Variants in CCNB1IP1 observed in about 807,000 individuals in gnomAD.
CCNB1IP1 encodes the protein E3 ubiquitin-protein ligase CCNB1IP1.
CCNB1IP1 carries 14 observed loss-of-function variants against 25.6 expected under a neutral mutation model. The observed-to-expected ratio is 0.55, with a 90% CI of 0.36 to 0.85. The LOEUF is 0.85. Among genes scored for constraint, CCNB1IP1 ranks in the 40% least tolerant of loss-of-function variants. The pLI is 0.01. For missense variants in CCNB1IP1, 278 were observed against 342.4 expected (o/e 0.81, Z 1.48); for synonymous variants, 119 against 116.1 (o/e 1.02, Z -0.16).
At chr14:20,315,228 G>A (rs1035342018) in intron 5 of CCNB1IP1, among the ~76,000 whole-genome samples, 1 of 131,618 alleles carries the variant, frequency 7.6e-6, no homozygotes, top group African/African-American at 2.9e-5. Flanking sequence ...AAATTAAAAT[G>A]AGACACCACT....
rs7142776 is a variant in CCNB1IP1, at chr14:20,315,332, G to A, written c.297+895C>T. 4.1e-3 allele frequency among the ~76,000 whole-genome samples: 621 copies of A among 152,142 alleles called. 2 individuals carry two copies. Among genetic ancestry groups the A allele is most frequent in the African/African-American group, 0.014 (588 of 41,528 alleles). On this transcript the variant is annotated intron_variant, in intron 5 of 6. Coordinates refer to ENST00000358932, the MANE Select transcript of CCNB1IP1 (RefSeq NM_021178.5). ...ACAGGAATTCTCATTCATTGCTGCTGGCAATATAAAATGGTATAGCCACTT... is the reference window on the plus strand; with the variant it reads ...ACAGGAATTCTCATTCATTGCTGCTAGCAATATAAAATGGTATAGCCACTT...
intron 4 of CCNB1IP1, among the ~76,000 whole-genome samples, chr14:20,319,753 T>G (rs1012263499): frequency 6.6e-6 from 1 of 152,222 alleles, no homozygotes; most frequent in Non-Finnish European, 1.5e-5. Context: ...AAAATTCCTC[T>G]AGAATATAAC....
chr14:20,332,021 T>TATATATATATATGATGTGTATAC (rs1566408023), intron 1 of CCNB1IP1, among the ~76,000 whole-genome samples: 14 of 57,988 alleles, frequency 2.4e-4, no homozygotes, highest in South Asian at 8.0e-4. Flanking sequence ...TATATATATA[T>TATATATATATATGATGTGTATAC]ATATATTTTT....
At chr14:20,326,387 G>A (rs1282334172) in intron 3 of CCNB1IP1, 4 of 486,932 alleles carry the variant, frequency 8.2e-6, no homozygotes, top group Non-Finnish European at 1.7e-5. Context: ...TGGGATTACA[G>A]ACTAAATCCC....
At position 20,316,254 on chromosome 14, in the gene CCNB1IP1, G is replaced by C; in HGVS notation, c.270C>G (p.Ser90=). The change falls in exon 5 of 7, where the codon TCC becomes TCG. Residue 90 remains serine, a synonymous_variant. Transcript: ENST00000358932. ...GATATGTCCAGAAGGCCAGCGCTCG[G>C]GAGCTAATGTCCAACACGATCTCTG... is the stretch of plus-strand genomic sequence containing the variant. ...LRPEIVLDIS[S]RALAFWTYQV... The C allele has an allele frequency of 6.2e-7, 1 of 1,613,852 alleles. No homozygotes were observed. The highest frequency in any genetic ancestry group is 1.3e-5 in the African/African-American group (1 of 75,034).
intron 6 of CCNB1IP1, among the ~76,000 whole-genome samples, chr14:20,312,910 C>G (rs1419493295): frequency 6.6e-6 from 1 of 151,946 alleles, no homozygotes; most frequent in African/African-American, 2.4e-5. Flanking sequence ...AACAAAACAA[C>G]CAAACTGACA....
intron 1 of CCNB1IP1, among the ~76,000 whole-genome samples, chr14:20,331,039 A>G (rs1286892099): frequency 1.3e-5 from 2 of 152,186 alleles, no homozygotes; most frequent in Non-Finnish European, 2.9e-5. Flanking sequence ...ACTTCCACCT[A>G]AAAAACCGGA....
At chr14:20,315,807 G>A in intron 5 of CCNB1IP1, 2 of 1,253,804 alleles carry the variant, frequency 1.6e-6, no homozygotes, top group Non-Finnish European at 2.1e-6. Context: ...TACTCAGGAG[G>A]CTGAGGCGGG....
intron 1 of CCNB1IP1, among the ~76,000 whole-genome samples, chr14:20,332,005 C>CATATATATATATAT (rs1555314509): frequency 4.5e-5 from 3 of 66,564 alleles, no homozygotes; most frequent in African/African-American, 2.5e-4. Flanking sequence ...GATGTGTATA[C>CATATATATATATAT]ATATATATAT....
chr14:20,320,895 T>TG (rs200240811), intron 4 of CCNB1IP1, among the ~76,000 whole-genome samples: 6,884 of 151,348 alleles, frequency 0.045, 225 homozygotes, highest in Middle Eastern at 0.1. Context: ...CCCAGCACTT[T>TG]GGGGGGTCAA....
intron 3 of CCNB1IP1, 199 bp downstream of exon 3, chr14:20,326,517 A>G: frequency 1.9e-6 from 1 of 534,776 alleles, no homozygotes. Context: ...GCATTTCATC[A>G]TGGCAAACTG....
chr14:20,315,452 A>C (rs1882660112), intron 5 of CCNB1IP1: 1 of 1,075,170 alleles, frequency 9.3e-7, no homozygotes, highest in Admixed American at 5.1e-5. Context: ...AAGGAGTTGA[A>C]AAATAGAGGA....
intron 4 of CCNB1IP1, among the ~76,000 whole-genome samples, chr14:20,323,894 G>A (rs1334184593): frequency 2.1e-5 from 3 of 145,240 alleles, no homozygotes; most frequent in African/African-American, 7.7e-5. Context: ...CTCCAGCCTG[G>A]GCGACAGAGC....
At chr14:20,327,075 C>T (rs757751593) in intron 2 of CCNB1IP1, among the ~76,000 whole-genome samples, 5 of 151,596 alleles carry the variant, frequency 3.3e-5, no homozygotes, top group African/African-American at 4.9e-5. Flanking sequence ...GACCCCGTCT[C>T]GAACAAAACA....
chr14:20,318,151 T>C (rs1409199257), intron 4 of CCNB1IP1: 1 of 152,272 alleles, frequency 6.6e-6, no homozygotes. Flanking sequence ...TGAGTCTGCA[T>C]TACAAACATG....
At chr14:20,315,432 T>C (rs772246449) in intron 5 of CCNB1IP1, 87 of 1,012,272 alleles carry the variant, frequency 8.6e-5, no homozygotes, top group Non-Finnish European at 1.0e-4. Context: ...CACTATTTGG[T>C]ATTTAACCAA....
At chr14:20,326,220 CTT>C (rs34778952) in intron 3 of CCNB1IP1, among the ~76,000 whole-genome samples, 1 of 152,128 alleles carries the variant, frequency 6.6e-6, no homozygotes, top group Non-Finnish European at 1.5e-5. Flanking sequence ...GTTGCCAGTG[CTT>C]TTTCTGTAGT....
intron 4 of CCNB1IP1, chr14:20,323,389 G>T (rs752171711): frequency 6.6e-6 from 1 of 152,134 alleles, no homozygotes. Context: ...ATCCCAACCT[G>T]GGCAACATGG....
intron 4 of CCNB1IP1, among the ~76,000 whole-genome samples, chr14:20,322,782 C>T (rs1296132704): frequency 1.3e-5 from 2 of 151,768 alleles, no homozygotes; most frequent in African/African-American, 4.8e-5. Context: ...ACCACCATGC[C>T]CAACTAATTT....
Sources: gnomAD v4.1 joint callset for allele counts (sites outside exome capture counted in the v4.1 genomes callset) on GRCh38, gnomAD v4.1.1 for gene constraint, MANE v1.5 for transcripts, NCBI Gene and HGNC (gene_info 2026-07-23, HGNC 2026-07-21) for gene names.